The following ANKRD31 variants were observed in gnomAD, a reference collection of about 807,000 sequenced individuals.
The protein encoded by ANKRD31 is ankyrin repeat domain-containing protein 31.
ANKRD31 carries 147 observed loss-of-function variants against 186.0 expected under a neutral mutation model. That is an observed-to-expected ratio of 0.79 (90% CI 0.69 to 0.91). ANKRD31 has a LOEUF of 0.91. ANKRD31 is among the 40% of genes least tolerant of loss of function. The pLI, the probability that ANKRD31 is intolerant of heterozygous loss-of-function variation, is 0.00. For synonymous variants in ANKRD31, 673 were observed against 736.4 expected (o/e 0.91, Z 1.39); for missense variants, 1,986 against 2,148.8 (o/e 0.92, Z 1.50).
intron 11 of ANKRD31, among the ~76,000 whole-genome samples, chr5:75,157,852 T>G (rs1752294813): frequency 6.6e-6 from 1 of 152,146 alleles, no homozygotes; most frequent in African/African-American, 2.4e-5. Context: ...ACTGCCAAGA[T>G]TTTAGAGACA....
intron 22 of ANKRD31, among the ~76,000 whole-genome samples, chr5:75,100,977 T>G (rs1746816238): frequency 6.6e-6 from 1 of 152,190 alleles, no homozygotes; most frequent in South Asian, 2.1e-4. Flanking sequence ...TGATGTTAGC[T>G]GGTTATTTTG....
At chr5:75,199,572 A>AT in intron 6 of ANKRD31, 59 bp downstream of exon 6, 3 of 1,360,100 alleles carry the variant, frequency 2.2e-6, no homozygotes, top group Non-Finnish European at 2.0e-6. Flanking sequence ...AATCGACATA[A>AT]TTTTTTAAAA....
intron 24 of ANKRD31, 144 bp from the exon 25 acceptor site, chr5:75,080,783 T>C (rs1745021943): frequency 2.1e-6 from 1 of 468,678 alleles, no homozygotes; most frequent in African/African-American, 2.0e-5. Context: ...AAAAATAAAA[T>C]AATAAACTAA....
Position 75,118,184 on chromosome 5 carries a change from A to T in ANKRD31, c.3990T>A (p.Tyr1330Ter), listed in dbSNP as rs1161102304. ...DEKMKELLRS[Y>*]GAIETVNRDE... ...CTCTATTAACAGTCTCAATAGCACC[A>T]TAAGATCTTAGTAATTCTTTCATTT... Residue 1330 changes from tyrosine to a stop codon, truncating the protein, a stop_gained, in exon 18 of 26, where the codon TAT (tyrosine) becomes TAA (stop). Coordinates refer to ENST00000506364, the MANE Select transcript of ANKRD31 (RefSeq NM_001372053.1). LOFTEE classifies it high-confidence loss of function. The T allele has an allele frequency of 1.3e-6, 2 of 1,526,266 alleles. No individual in the cohort carries two copies. 94.5% of individuals were successfully genotyped at this position (1,526,266 alleles called of 1,614,324 possible). A position where few individuals can be genotyped will look rare whatever the true frequency, so the allele number is the denominator to read the frequency against.
At chr5:75,084,606 A>G (rs1745340985) in intron 23 of ANKRD31, among the ~76,000 whole-genome samples, 3 of 152,194 alleles carry the variant, frequency 2.0e-5, no homozygotes, top group Admixed American at 1.3e-4. Context: ...CTTTCATGCT[A>G]TAACATAATT....
At chr5:75,093,522 C>G (rs920885041) in intron 22 of ANKRD31, among the ~76,000 whole-genome samples, 1 of 151,778 alleles carries the variant, frequency 6.6e-6, no homozygotes, top group African/African-American at 2.4e-5. Context: ...ACCAAACTTA[C>G]TGAAAAGCAT....
At chr5:75,135,841 A>G (rs1241802491) in intron 17 of ANKRD31, among the ~76,000 whole-genome samples, 2 of 152,234 alleles carry the variant, frequency 1.3e-5, no homozygotes, top group East Asian at 3.8e-4. Context: ...GGAACAGAAC[A>G]GAGCCCTCAG....
At chr5:75,089,055 T>C (rs1745731301) in intron 23 of ANKRD31, among the ~76,000 whole-genome samples, 2 of 152,218 alleles carry the variant, frequency 1.3e-5, no homozygotes, top group African/African-American at 2.4e-5. Context: ...TCAGAAGTTA[T>C]GGGCTTGGAG....
At chr5:75,142,129 GT>G (rs1751096132) in intron 15 of ANKRD31, among the ~76,000 whole-genome samples, 1 of 152,152 alleles carries the variant, frequency 6.6e-6, no homozygotes, top group South Asian at 2.1e-4. Context: ...TATGTGACCA[GT>G]TTTTTCTTCT....
rs12656088 is a variant in ANKRD31 at position 75,196,451 on chromosome 5, T to C, written c.448-251A>G. ...TAACTGGCTGGACCATAATTACGGA[T>C]GGCAAATTATTCACCTAAGTTTAAA... On this transcript the variant is annotated intron_variant, in intron 6 of 25. Coordinates refer to ENST00000506364, the MANE Select transcript of ANKRD31 (RefSeq NM_001372053.1). Among the ~76,000 whole-genome samples the C allele has an allele frequency of 2.4e-3, 371 of 152,268 alleles. 9 individuals carry two copies. In the East Asian group the frequency reaches 0.062, roughly 25 times the overall value.
intron 20 of ANKRD31, among the ~76,000 whole-genome samples, chr5:75,110,793 A>G (rs1747715721): frequency 6.7e-6 from 1 of 148,834 alleles, no homozygotes; most frequent in African/African-American, 2.5e-5. Context: ...GTTATTTAAA[A>G]TGAAAATACT....
In ANKRD31 at chr5:75,196,101, C is replaced by A; in HGVS notation, c.547G>T (p.Glu183Ter). The A allele has an allele frequency of 1.3e-6, 2 of 1,536,756 alleles. 1 individual carries two copies. The highest frequency in any genetic ancestry group is 1.7e-6 in the Non-Finnish European group (2 of 1,146,668). The change falls in exon 7 of 26, where the codon GAG (glutamate) becomes TAG (stop). Residue 183 changes from glutamate to a stop codon, truncating the protein, a stop_gained. Transcript: ENST00000506364. LOFTEE classifies it high-confidence loss of function. ...TVAVKETSLV[E>*]PEKILAAPNT... ...GGTGCTGCTAAAATCTTCTCTGGCT[C>A]TACTAATGATGTCTCCTTTACAGCA...
intron 25 of ANKRD31, among the ~76,000 whole-genome samples, chr5:75,073,339 T>A (rs549838222): frequency 1.1e-4 from 17 of 151,886 alleles, no homozygotes; most frequent in Non-Finnish European, 2.1e-4. Context: ...AAAGTGCTTG[T>A]TTTAAAGGGA....
chr5:75,099,350 T>C (rs1478727931), intron 22 of ANKRD31, among the ~76,000 whole-genome samples: 4 of 152,204 alleles, frequency 2.6e-5, no homozygotes, highest in African/African-American at 9.7e-5. Flanking sequence ...TTATTGAGGA[T>C]TTTTGCATCG....
At chr5:75,117,108 T>C (rs1748354902) in intron 18 of ANKRD31, among the ~76,000 whole-genome samples, 1 of 152,198 alleles carries the variant, frequency 6.6e-6, no homozygotes, top group South Asian at 2.1e-4. Flanking sequence ...CCTACTCCCA[T>C]TCTGGATTCC....
intron 17 of ANKRD31, among the ~76,000 whole-genome samples, chr5:75,131,450 C>T (rs1389228809): frequency 2.0e-5 from 3 of 152,148 alleles, no homozygotes; most frequent in Non-Finnish European, 4.4e-5. Context: ...AAGGTGGCAG[C>T]GAGGCTGGGG....
chr5:75,099,955 C>A (rs148754266), intron 22 of ANKRD31, among the ~76,000 whole-genome samples: 274 of 152,198 alleles, frequency 1.8e-3, no homozygotes, highest in African/African-American at 5.7e-3. Flanking sequence ...TATTTCTTGA[C>A]TTCTGCTAGC....
chr5:75,222,792 T>C (rs1311820704), intron 2 of ANKRD31, among the ~76,000 whole-genome samples: 1 of 152,236 alleles, frequency 6.6e-6, no homozygotes, highest in Non-Finnish European at 1.5e-5. Flanking sequence ...CATTCCTTTT[T>C]GTGGCTGCAT....
At chr5:75,190,704 A>T (rs1207090297) in intron 9 of ANKRD31, among the ~76,000 whole-genome samples, 1 of 151,736 alleles carries the variant, frequency 6.6e-6, no homozygotes, top group African/African-American at 2.4e-5. Flanking sequence ...CAGTTTAAAA[A>T]TTTTTAATTA....
Sources: allele counts gnomAD v4.1 joint callset (sites outside exome capture counted in the v4.1 genomes callset), GRCh38; gene constraint gnomAD v4.1.1; transcripts MANE v1.5; gene names NCBI Gene and HGNC (gene_info 2026-07-23, HGNC 2026-07-21).